Variants in IGF2BP2 observed in about 807,000 individuals in gnomAD.
IGF2BP2 encodes the protein insulin-like growth factor 2 mRNA-binding protein 2.
A neutral mutation model predicts 75.8 loss-of-function variants in IGF2BP2; 17 were observed. The ratio of observed to expected loss-of-function variants is 0.22; its 90% confidence interval spans 0.15 to 0.34. The LOEUF is 0.34. Ranked by LOEUF, IGF2BP2 falls within the 10% of genes least tolerant of loss-of-function variation. The pLI, the probability that IGF2BP2 is intolerant of heterozygous loss-of-function variation, is 1.00. For synonymous variants in IGF2BP2, 288 were observed against 295.6 expected (o/e 0.97, Z 0.26); for missense variants, 516 against 772.4 (o/e 0.67, Z 3.93).
At chr3:185,704,137 C>A (rs1010745970) in intron 2 of IGF2BP2, among the ~76,000 whole-genome samples, 30 of 152,166 alleles carry the variant, frequency 2.0e-4, no homozygotes, top group African/African-American at 7.0e-4. Flanking sequence ...CATTTCTGAG[C>A]TCCATCAGAT....
At chr3:185,731,878 A>T (rs1728236952) in intron 2 of IGF2BP2, among the ~76,000 whole-genome samples, 1 of 151,942 alleles carries the variant, frequency 6.6e-6, no homozygotes, top group Admixed American at 6.5e-5. Context: ...GCTACTCAGG[A>T]GGCTGAGGCA....
chr3:185,671,897 G>C lies in IGF2BP2; in HGVS notation c.1200+644C>G, dbSNP rs555975308. Among the ~76,000 whole-genome samples, 198 of 152,286 alleles carry C rather than the reference G, an allele frequency of 1.3e-3. 5 individuals are homozygous for C. The Middle Eastern group carries it at 0.014, about 10-fold the overall frequency. On this transcript the variant is annotated intron_variant, in intron 10 of 15. Coordinates refer to ENST00000382199, the MANE Select transcript of IGF2BP2 (RefSeq NM_006548.6). ...ATTAGGAATGAAAAAAAGCTGTCAA[G>C]TATCCTGAGCCCCCAATTTGGTAAT...
intron 2 of IGF2BP2, among the ~76,000 whole-genome samples, chr3:185,764,410 G>A (rs2149710253): frequency 6.6e-6 from 1 of 152,250 alleles, no homozygotes; most frequent in South Asian, 2.1e-4. Context: ...TTATGTTTTT[G>A]CTGCAGATCC....
chr3:185,653,386 C>A (rs964359248), intron 12 of IGF2BP2, among the ~76,000 whole-genome samples: 1 of 151,980 alleles, frequency 6.6e-6, no homozygotes, highest in African/African-American at 2.4e-5. Flanking sequence ...TTTGGGAGAC[C>A]GAGATGGACA....
intron 6 of IGF2BP2, among the ~76,000 whole-genome samples, chr3:185,687,577 T>C (rs1238012410): frequency 6.6e-6 from 1 of 152,218 alleles, no homozygotes; most frequent in Admixed American, 6.5e-5. Context: ...CTGAACTGAT[T>C]GCAGCTTTTA....
chr3:185,675,512 G>A (rs1719195609), intron 8 of IGF2BP2, 81 bp from the exon 9 acceptor site: 1 of 1,514,370 alleles, frequency 6.6e-7, no homozygotes. Context: ...TCACAAACAA[G>A]TTTTGGCGGA....
chr3:185,779,054 C>T (rs1231166963), intron 2 of IGF2BP2, among the ~76,000 whole-genome samples: 2 of 150,982 alleles, frequency 1.3e-5, no homozygotes, highest in Admixed American at 1.3e-4. Flanking sequence ...GACTGAGCTG[C>T]TAAGGTAGGC....
At chr3:185,664,985 C>CA (rs554850703) in intron 10 of IGF2BP2, among the ~76,000 whole-genome samples, 2 of 151,220 alleles carry the variant, frequency 1.3e-5, no homozygotes, top group Admixed American at 6.6e-5. Flanking sequence ...TTATAAAAGG[C>CA]AAAAAAACTT....
intron 2 of IGF2BP2, among the ~76,000 whole-genome samples, chr3:185,787,872 G>C (rs2149838695): frequency 6.6e-6 from 1 of 152,248 alleles, no homozygotes; most frequent in South Asian, 2.1e-4. Context: ...TTCTCCAACA[G>C]ATCAACATCA....
chr3:185,675,783 T>G lies in IGF2BP2; in HGVS notation c.935+8A>C, dbSNP rs774488494. Reference sequence around the variant, plus strand: ...ATTGGGCATGAGTAATCTGAGTAAGTGGCTTACGATGAGATTGTTATCTTG... The same window carrying G: ...ATTGGGCATGAGTAATCTGAGTAAGGGGCTTACGATGAGATTGTTATCTTG... On this transcript the variant is annotated splice_region_variant and intron_variant, in intron 8 of 15. Coordinates refer to ENST00000382199, the MANE Select transcript of IGF2BP2 (RefSeq NM_006548.6). 1 of 1,611,956 alleles carries G rather than the reference T, an allele frequency of 6.2e-7. No individual in the cohort carries two copies. Among genetic ancestry groups the G allele is most frequent in the Non-Finnish European group, 8.5e-7 (1 of 1,179,678 alleles).
At chr3:185,710,820 G>A (rs148964621) in intron 2 of IGF2BP2, among the ~76,000 whole-genome samples, 213 of 151,862 alleles carry the variant, frequency 1.4e-3, no homozygotes, top group African/African-American at 5.0e-3. Context: ...AATTTTTTAC[G>A]CTATAGGAAA....
At chr3:185,689,900 G>A (rs1255744262) in intron 5 of IGF2BP2, among the ~76,000 whole-genome samples, 8 of 150,058 alleles carry the variant, frequency 5.3e-5, no homozygotes, top group African/African-American at 2.0e-4. Flanking sequence ...CCCGGGAGGC[G>A]GAGCTTGCAG....
At chr3:185,689,682 C>T (rs1358538228) in intron 5 of IGF2BP2, 55 bp from the exon 6 acceptor site, 2 of 1,611,246 alleles carry the variant, frequency 1.2e-6, no homozygotes, top group Non-Finnish European at 1.7e-6. Flanking sequence ...AAGAAAGACC[C>T]TCCCGGCCGG....
At chr3:185,756,363 T>C (rs1027286899) in intron 2 of IGF2BP2, among the ~76,000 whole-genome samples, 6 of 152,208 alleles carry the variant, frequency 3.9e-5, no homozygotes, top group Non-Finnish European at 7.3e-5. Context: ...TCCTTATAAA[T>C]TACCCAGTCT....
chr3:185,748,058 T>C (rs895874861), intron 2 of IGF2BP2, among the ~76,000 whole-genome samples: 50 of 152,234 alleles, frequency 3.3e-4, no homozygotes, highest in African/African-American at 1.1e-3. Context: ...GGTTTCACTG[T>C]GTTAGCCAGG....
chr3:185,734,579 G>T (rs894343474), intron 2 of IGF2BP2, among the ~76,000 whole-genome samples: 1 of 152,194 alleles, frequency 6.6e-6, no homozygotes, highest in African/African-American at 2.4e-5. Flanking sequence ...ACAAGTGTGT[G>T]TTAGCACCTG....
intron 1 of IGF2BP2, among the ~76,000 whole-genome samples, chr3:185,824,528 C>T (rs1741782242): frequency 6.7e-6 from 1 of 150,232 alleles, no homozygotes; most frequent in Non-Finnish European, 1.5e-5. Flanking sequence ...GCCTCGGGAG[C>T]CTTCGGAGCG....
At chr3:185,721,503 C>CTT (rs1446917559) in intron 2 of IGF2BP2, among the ~76,000 whole-genome samples, 31 of 152,196 alleles carry the variant, frequency 2.0e-4, no homozygotes, top group Non-Finnish European at 3.8e-4. Flanking sequence ...ACCAGGCCCA[C>CTT]TCTTCTTTCA....
chr3:185,790,031 G>T (rs968853673), intron 2 of IGF2BP2, among the ~76,000 whole-genome samples: 5 of 152,142 alleles, frequency 3.3e-5, no homozygotes, highest in Non-Finnish European at 7.4e-5. Flanking sequence ...ACTGTGCCCA[G>T]CTGCAACCAG....
Sources: allele counts gnomAD v4.1 joint callset (sites outside exome capture counted in the v4.1 genomes callset), GRCh38; gene constraint gnomAD v4.1.1; transcripts MANE v1.5; gene names NCBI Gene and HGNC (gene_info 2026-07-23, HGNC 2026-07-21).